MYH11: variants seen among roughly 807,000 people sequenced by gnomAD.
The protein encoded by MYH11 is myosin heavy chain 11.
In MYH11, 80 loss-of-function variants were observed where a neutral mutation model predicts 246.6. The ratio of observed to expected loss-of-function variants is 0.32; its 90% CI spans 0.27 to 0.39. The LOEUF (loss-of-function observed/expected upper bound fraction) is 0.39. Ranked by LOEUF, MYH11 falls within the 10% of genes least tolerant of loss-of-function variation. MYH11 has a pLI of 1.00. For missense variants in MYH11, 2,158 were observed against 2,546.8 expected (o/e 0.85, Z 3.29); for synonymous variants, 1,071 against 1,015.5 (o/e 1.05, Z -1.04).
At chr16:15,751,477 C>T (rs902205655) in intron 15 of MYH11, among the ~76,000 whole-genome samples, 3 of 151,666 alleles carry the variant, frequency 2.0e-5, no homozygotes, top group Admixed American at 1.3e-4. Flanking sequence ...TCATCATCAT[C>T]ATCATCATCA....
intron 4 of MYH11, among the ~76,000 whole-genome samples, chr16:15,787,636 G>A (rs1475170954): frequency 1.3e-5 from 2 of 151,658 alleles, no homozygotes; most frequent in Middle Eastern, 3.2e-3. Flanking sequence ...AGCACACTCG[G>A]CTAATTTTTT....
intron 19 of MYH11, among the ~76,000 whole-genome samples, chr16:15,746,612 C>A (rs1215800262): frequency 6.6e-6 from 1 of 152,072 alleles, no homozygotes; most frequent in Non-Finnish European, 1.5e-5. Context: ...GAGAGCGACC[C>A]CACCTGTCCC....
chr16:15,735,616 C>G (rs1247859920), intron 25 of MYH11, 38 bp from the exon 26 acceptor site: 2 of 1,610,336 alleles, frequency 1.2e-6, no homozygotes, highest in South Asian at 2.2e-5. Flanking sequence ...ACCCCCAGGT[C>G]CCTTGGTTTC....
At chr16:15,714,766 G>A in intron 40 of MYH11, 143 bp downstream of exon 40, 3 of 1,086,280 alleles carry the variant, frequency 2.8e-6, no homozygotes, top group Non-Finnish European at 4.1e-6. Flanking sequence ...TAAGCTTAGT[G>A]ATTAAGGAGA....
chr16:15,743,199 C>T (rs956973368), intron 20 of MYH11, among the ~76,000 whole-genome samples: 65 of 146,334 alleles, frequency 4.4e-4, no homozygotes, highest in African/African-American at 1.3e-3. Flanking sequence ...GGTGGAGTCT[C>T]GCCCTGTCAC....
In MYH11 at chr16:15,782,367, T is replaced by A; in HGVS notation, c.726+18A>T. The A allele has an allele frequency of 2.5e-6, 4 of 1,610,128 alleles. No individual in the cohort carries two copies. Among genetic ancestry groups the A allele is most frequent in the Non-Finnish European group, 3.4e-6 (4 of 1,176,402 alleles). ...CACCAAAGCTTTTCTGGAAAATCCA[T>A]GTGGCTTTGCTACTTACGAATCGTG... On this transcript the variant is annotated intron_variant, in intron 6 of 40. Coordinates refer to ENST00000300036, the MANE Select transcript of MYH11 (RefSeq NM_002474.3).
At chr16:15,837,352 T>C (rs778513374) in intron 2 of MYH11, among the ~76,000 whole-genome samples, 3 of 152,156 alleles carry the variant, frequency 2.0e-5, no homozygotes, top group Non-Finnish European at 4.4e-5. Context: ...ACTTGGCACA[T>C]GTGATGACAT....
At chr16:15,845,688 C>T (rs975367067) in intron 1 of MYH11, among the ~76,000 whole-genome samples, 1 of 149,610 alleles carries the variant, frequency 6.7e-6, no homozygotes, top group Non-Finnish European at 1.5e-5. Context: ...GGTGTCGCAG[C>T]AGATCGTGTG....
chr16:15,811,133 A>G (rs762568319), intron 3 of MYH11, among the ~76,000 whole-genome samples: 1 of 152,152 alleles, frequency 6.6e-6, no homozygotes, highest in Non-Finnish European at 1.5e-5. Context: ...CCCTTCCACC[A>G]TGTGAGACAC....
rs773450359 is a variant in MYH11 at position 15,786,662 on chromosome 16, A to C, written c.601T>G (p.Ser201Ala). ...VIQYLAVVAS[S>A]HKGKKDTSIT... ...CTTGTGTCTTTCTTGCCCTTGTGGG[A>C]GGAGGCCACCACGGCCAGGTACTGA... is the stretch of plus-strand genomic sequence containing the variant. Residue 201 changes from serine to alanine, a missense_variant, in exon 5 of 41, where the codon TCC (serine) becomes GCC (alanine). Around this residue, in one of 11 missense-constraint regions of MYH11, gnomAD observed 123 missense variants for 207.1 expected, o/e 0.59. Coordinates refer to ENST00000300036, the MANE Select transcript of MYH11 (RefSeq NM_002474.3). 3.1e-6 allele frequency: 5 copies of C among 1,614,064 alleles called. No individual in the cohort carries two copies. The South Asian group carries it at 5.5e-5, about 18-fold the overall frequency.
At chr16:15,740,427 G>A (rs2041240976) in intron 22 of MYH11, among the ~76,000 whole-genome samples, 1 of 151,950 alleles carries the variant, frequency 6.6e-6, no homozygotes, top group African/African-American at 2.4e-5. Context: ...GGCCAACATG[G>A]TGAAACCCCG....
At chr16:15,790,664 T>G (rs1172020074) in intron 4 of MYH11, among the ~76,000 whole-genome samples, 1 of 152,172 alleles carries the variant, frequency 6.6e-6, no homozygotes, top group Non-Finnish European at 1.5e-5. Flanking sequence ...ACTCCTTTCT[T>G]ATTTCTTGGG....
chr16:15,795,613 A>AAAAC (rs559713275), intron 4 of MYH11, among the ~76,000 whole-genome samples: 100 of 152,296 alleles, frequency 6.6e-4, no homozygotes, highest in East Asian at 1.2e-3. Context: ...CTCCATCTCA[A>AAAAC]AAACAAACAA....
At chr16:15,841,565 A>C (rs180721624) in intron 1 of MYH11, among the ~76,000 whole-genome samples, 1 of 152,324 alleles carries the variant, frequency 6.6e-6, no homozygotes, top group Non-Finnish European at 1.5e-5. Context: ...CTCTTGATGG[A>C]AGATTAGGTC....
At chr16:15,740,223 T>C (rs1278455298) in intron 22 of MYH11, 35 bp from the exon 23 acceptor site, 1 of 1,613,566 alleles carries the variant, frequency 6.2e-7, no homozygotes, top group East Asian at 2.2e-5. Context: ...ACAGCTTTGG[T>C]TATAACAGAT....
Position 15,724,529 on chromosome 16 carries a change from G to A in MYH11, c.4116+118C>T, listed in dbSNP as rs532881817. The A allele has an allele frequency of 4.5e-5, 73 of 1,606,186 alleles. 1 individual carries two copies. The South Asian group carries it at 5.3e-4, about 12-fold the overall frequency. ...CTCGTTGGAGAAACCCAATAGCAGG[G>A]GAAGCTGGGGGGTCAAGCACCATCG... is the stretch of plus-strand genomic sequence containing the variant. On this transcript the variant is annotated intron_variant, in intron 30 of 40. Transcript: ENST00000300036.
At chr16:15,855,233 C>G (rs974094670) in intron 1 of MYH11, among the ~76,000 whole-genome samples, 1 of 152,252 alleles carries the variant, frequency 6.6e-6, no homozygotes, top group Non-Finnish European at 1.5e-5. Context: ...GTTCTGGACT[C>G]TCGGCATGGC....
chr16:15,751,246 C>T (rs1005362810), intron 15 of MYH11, among the ~76,000 whole-genome samples: 4 of 151,790 alleles, frequency 2.6e-5, no homozygotes, highest in Admixed American at 6.6e-5. Flanking sequence ...CCACAACGTC[C>T]GCCTCCCGGG....
chr16:15,715,332 G>A, intron 38 of MYH11, 60 bp from the exon 39 acceptor site: 2 of 1,548,038 alleles, frequency 1.3e-6, no homozygotes, highest in Non-Finnish European at 1.8e-6. Flanking sequence ...TGTAGCTGGT[G>A]TGTCACCTGG....
Sources: gnomAD v4.1 joint callset for allele counts (sites outside exome capture counted in the v4.1 genomes callset) on GRCh38, gnomAD v4.1.1 for gene constraint, gnomAD v4.1.1 regional missense constraint, MANE v1.5 for transcripts, NCBI Gene and HGNC (gene_info 2026-07-23, HGNC 2026-07-21) for gene names.